Variants in PTPRC observed in about 807,000 individuals in gnomAD.
PTPRC encodes protein tyrosine phosphatase receptor type C.
In PTPRC, 44 loss-of-function variants were observed where a neutral mutation model predicts 155.9. That is an observed-to-expected ratio of 0.28 (90% CI 0.22 to 0.36). PTPRC has a LOEUF of 0.36. Among genes scored for constraint, PTPRC ranks in the 10% least tolerant of loss-of-function variants. The probability of loss-of-function intolerance (pLI) is 1.00; values close to 1 mark genes in which losing one functional copy is unlikely to be tolerated. For missense variants in PTPRC, 1,401 were observed against 1,564.6 expected (o/e 0.90, Z 1.76); for synonymous variants, 525 against 533.1 (o/e 0.98, Z 0.21).
chr1:198,649,333 T>C (rs1171864536), intron 2 of PTPRC, among the ~76,000 whole-genome samples: 1 of 151,882 alleles, frequency 6.6e-6, no homozygotes, highest in Non-Finnish European at 1.5e-5. Flanking sequence ...TGAATTTACT[T>C]ATTGATGCTT....
In PTPRC at chr1:198,696,841, G is replaced by A. The variant is rs1666228468; in HGVS notation, c.230G>A (p.Ser77Asn). Residue 77 changes from serine (S) to asparagine (N), a missense_variant, in exon 4 of 33, where the codon AGT becomes AAT. Coordinates refer to ENST00000442510, the MANE Select transcript of PTPRC (RefSeq NM_002838.5). ...NDFSETTTSL[S>N]PDNTSTQVSP... is the part of the protein sequence containing the mutation. Reference sequence around the variant, plus strand: ...TTCTCAGAGACCACAACTTCTCTTAGTCCAGACAATACTTCCACCCAAGTA... The same window carrying A: ...TTCTCAGAGACCACAACTTCTCTTAATCCAGACAATACTTCCACCCAAGTA... The A allele has an allele frequency of 1.2e-6, 2 of 1,613,924 alleles. No individual in the cohort carries two copies. Among genetic ancestry groups the A allele is most frequent in the Non-Finnish European group, 1.7e-6 (2 of 1,179,936 alleles).
intron 2 of PTPRC, among the ~76,000 whole-genome samples, chr1:198,662,660 C>T (rs918704017): frequency 1.3e-5 from 2 of 152,054 alleles, no homozygotes; most frequent in Admixed American, 1.3e-4. Flanking sequence ...AAATGTAGTT[C>T]TCTCCATATT....
chr1:198,652,417 A>G (rs1663301863), intron 2 of PTPRC, among the ~76,000 whole-genome samples: 1 of 151,834 alleles, frequency 6.6e-6, no homozygotes, highest in Non-Finnish European at 1.5e-5. Flanking sequence ...GAAATCAGAA[A>G]GCATAATTTA....
At chr1:198,750,389 C>T in intron 28 of PTPRC, 103 bp from the exon 29 acceptor site, 1 of 1,188,908 alleles carries the variant, frequency 8.4e-7, no homozygotes, top group East Asian at 2.4e-5. Flanking sequence ...TTGTATGTAA[C>T]AGCATTGATA....
intron 2 of PTPRC, among the ~76,000 whole-genome samples, chr1:198,643,381 G>T (rs752504549): frequency 4.0e-5 from 6 of 151,738 alleles, no homozygotes; most frequent in Non-Finnish European, 8.8e-5. Flanking sequence ...ACAAAGGAAA[G>T]GAAAATTTTC....
At chr1:198,712,875 A>T (rs1355796008) in intron 11 of PTPRC, 78 bp from the exon 12 acceptor site, 12 of 1,407,312 alleles carry the variant, frequency 8.5e-6, no homozygotes, top group Non-Finnish European at 1.2e-5. Context: ...GTTATCAATA[A>T]TGCATGCTTA....
chr1:198,729,015 C>T (rs1031558012), intron 16 of PTPRC, 122 bp from the exon 17 acceptor site: 19 of 1,105,220 alleles, frequency 1.7e-5, no homozygotes, highest in Non-Finnish European at 2.4e-5. Context: ...CCTCTCTTCC[C>T]CTTTTCTTAT....
chr1:198,648,382 G>T (rs527561573), intron 2 of PTPRC, among the ~76,000 whole-genome samples: 3 of 151,860 alleles, frequency 2.0e-5, no homozygotes, highest in African/African-American at 4.8e-5. Context: ...GTTGTAGGGG[G>T]TGGGGTGAAG....
chr1:198,709,632 T>C (rs983542696), intron 10 of PTPRC, 55 bp from the exon 11 acceptor site: 4 of 1,363,302 alleles, frequency 2.9e-6, no homozygotes, highest in Non-Finnish European at 3.0e-6. Context: ...AGAAAATAAA[T>C]GTGTGCGTGA....
chr1:198,667,034 A>G (rs1664353677), intron 2 of PTPRC: 1 of 152,202 alleles, frequency 6.6e-6, no homozygotes, highest in African/African-American at 2.4e-5. Context: ...ACCCCATTCG[A>G]TAGGCTTTTG....
Position 198,703,360 on chromosome 1 carries a change from A to G in PTPRC, c.646A>G (p.Thr216Ala), listed in dbSNP as rs148561683. ...CCCTTCTGGAAGCGCTGTCATTTCA[A>G]CCACAACAATAGGTGATATTACCCT... ...LSPSGSAVIS[T>A]TTIATTPSKP... Residue 216 changes from threonine (T) to alanine (A), a missense_variant, in exon 7 of 33, where the codon ACC (threonine) becomes GCC (alanine). Physicochemically the swap from Thr to Ala is moderately conservative, Grantham distance 58. Transcript: ENST00000442510. The G allele has an allele frequency of 3.1e-6, 5 of 1,612,824 alleles. No individual in the cohort carries two copies. The South Asian group carries it at 3.3e-5, about 11-fold the overall frequency.
At position 198,731,701 on chromosome 1, in the gene PTPRC, G is replaced by A. The variant is rs1654395496; in HGVS notation, c.1949G>A (p.Gly650Glu). The change falls in exon 18 of 33, where the codon GGA becomes GAA. Residue 650 changes from glycine (G) to glutamate (E), a missense_variant. This residue lies in a region of PTPRC where 867 missense variants were observed against 970.4 expected (regional missense o/e 0.89). Coordinates refer to ENST00000442510, the MANE Select transcript of PTPRC (RefSeq NM_002838.5). ...ETYKRKIADE[G>E]RLFLAEFQSI... ...TATAAGAGGAAGATTGCTGATGAAGGAAGACTTTTTCTGGCTGAATTTCAG... is the reference window on the plus strand; with the variant it reads ...TATAAGAGGAAGATTGCTGATGAAGAAAGACTTTTTCTGGCTGAATTTCAG... 6.2e-7 allele frequency: 1 copy of A among 1,609,020 alleles called. No homozygotes were observed.
intron 3 of PTPRC, chr1:198,694,702 A>G: frequency 1.0e-6 from 1 of 969,486 alleles, no homozygotes; most frequent in Non-Finnish European, 1.2e-6. Context: ...AAAGAATTCT[A>G]AACTCTCTCC....
chr1:198,657,063 T>C (rs550320676), intron 2 of PTPRC, among the ~76,000 whole-genome samples: 35 of 150,770 alleles, frequency 2.3e-4, no homozygotes, highest in Admixed American at 7.3e-4. Flanking sequence ...AATATATATA[T>C]ACACACACAC....
chr1:198,674,953 C>G (rs1032103835), intron 2 of PTPRC, among the ~76,000 whole-genome samples: 1 of 152,138 alleles, frequency 6.6e-6, no homozygotes, highest in Non-Finnish European at 1.5e-5. Context: ...TTTCCTGCTA[C>G]AGCATCCAAT....
chr1:198,716,887 A>G, intron 13 of PTPRC, 47 bp downstream of exon 13: 5 of 1,566,838 alleles, frequency 3.2e-6, no homozygotes, highest in Non-Finnish European at 4.4e-6. Context: ...GTAAAAAGCA[A>G]GGTATGAACT....
chr1:198,740,891 T>C (rs1654870434), intron 23 of PTPRC, among the ~76,000 whole-genome samples: 1 of 151,894 alleles, frequency 6.6e-6, no homozygotes, highest in Non-Finnish European at 1.5e-5. Context: ...GTAGGGCTTT[T>C]AGTAATCTAA....
intron 18 of PTPRC, 128 bp from the exon 19 acceptor site, chr1:198,732,172 G>A: frequency 2.5e-6 from 2 of 805,202 alleles, no homozygotes; most frequent in Non-Finnish European, 2.1e-6. Flanking sequence ...ATTACTCTAA[G>A]CAAATTTTTT....
At chr1:198,655,545 ACT>A (rs1288832120) in intron 2 of PTPRC, among the ~76,000 whole-genome samples, 1 of 151,906 alleles carries the variant, frequency 6.6e-6, no homozygotes, top group Non-Finnish European at 1.5e-5. Flanking sequence ...TTGAATCCTA[ACT>A]CTATTACTAA....
Sources: gnomAD v4.1 joint callset for allele counts (sites outside exome capture counted in the v4.1 genomes callset) on GRCh38, gnomAD v4.1.1 for gene constraint, gnomAD v4.1.1 regional missense constraint, MANE v1.5 for transcripts, NCBI Gene and HGNC (gene_info 2026-07-23, HGNC 2026-07-21) for gene names.